Variants in SLC35D4 observed in about 807,000 individuals in gnomAD.
The protein encoded by SLC35D4 is UDP-N-acetylglucosamine transporter SLC35D4.
chr18:23,300,082 C>T, the SLC35D4 span, among the ~76,000 whole-genome samples: 899 of 152,216 alleles, frequency 5.9e-3, 11 homozygotes, highest in African/African-American at 0.02. Flanking sequence ...GGAACGAGGC[C>T]GCTTTGTGAA....
At chr18:23,414,100 C>G in the SLC35D4 span, among the ~76,000 whole-genome samples, 1 of 146,534 alleles carries the variant, frequency 6.8e-6, no homozygotes, top group Admixed American at 6.8e-5. Flanking sequence ...ACTGAAAATA[C>G]AAAAATTAGC....
chr18:23,348,373 C>G, the SLC35D4 span, among the ~76,000 whole-genome samples: 1 of 152,156 alleles, frequency 6.6e-6, no homozygotes, highest in Non-Finnish European at 1.5e-5. Flanking sequence ...TTCAAGTCTT[C>G]TATGTACTTC....
At chr18:23,383,600 T>C in the SLC35D4 span, among the ~76,000 whole-genome samples, 1 of 151,522 alleles carries the variant, frequency 6.6e-6, no homozygotes, top group Non-Finnish European at 1.5e-5. Flanking sequence ...GCCTGTGGCA[T>C]GGGAGGGGAG....
At chr18:23,320,832 C>T in the SLC35D4 span, among the ~76,000 whole-genome samples, 1 of 152,192 alleles carries the variant, frequency 6.6e-6, no homozygotes. Flanking sequence ...TTTAGCCTCT[C>T]ATCCATGCAG....
the SLC35D4 span, among the ~76,000 whole-genome samples, chr18:23,345,427 A>G: frequency 3.0e-5 from 4 of 135,356 alleles, no homozygotes; most frequent in Admixed American, 1.7e-4. Flanking sequence ...GGTTGCAGTG[A>G]GCCAAGATCG....
chr18:23,246,463 C>T, the SLC35D4 span, among the ~76,000 whole-genome samples: 47 of 152,096 alleles, frequency 3.1e-4, no homozygotes, highest in African/African-American at 1.0e-3. Context: ...AAGATCTTGG[C>T]TCACTGCAAG....
At chr18:23,266,973 G>C in the SLC35D4 span, among the ~76,000 whole-genome samples, 1 of 152,162 alleles carries the variant, frequency 6.6e-6, no homozygotes, top group South Asian at 2.1e-4. Context: ...TCCCCACCTA[G>C]CCTAGGCCCC....
At chr18:23,253,983 C>T in the SLC35D4 span, 15 of 1,524,118 alleles carry the variant, frequency 9.8e-6, no homozygotes, top group Middle Eastern at 3.4e-4. Context: ...TGCTCCGGTC[C>T]GGGGTTCCTC....
At chr18:23,429,573 G>A in the SLC35D4 span, among the ~76,000 whole-genome samples, 142,975 of 152,214 alleles carry the variant, frequency 0.94, 67,208 homozygotes, top group African/African-American at 0.95. Flanking sequence ...ATGGGGTTTC[G>A]CCATGCTGGT....
At chr18:23,309,956 T>A in the SLC35D4 span, among the ~76,000 whole-genome samples, 1 of 152,206 alleles carries the variant, frequency 6.6e-6, no homozygotes, top group African/African-American at 2.4e-5. Flanking sequence ...TAGAAAAGGC[T>A]AAGTCTTAGT....
the SLC35D4 span, among the ~76,000 whole-genome samples, chr18:23,255,193 A>C: frequency 2.6e-5 from 4 of 152,210 alleles, no homozygotes; most frequent in Admixed American, 2.6e-4. Flanking sequence ...GCATTTGAAG[A>C]GCAAAAGGGG....
the SLC35D4 span, among the ~76,000 whole-genome samples, chr18:23,353,239 C>T: frequency 2.0e-5 from 3 of 152,100 alleles, no homozygotes; most frequent in Admixed American, 2.0e-4. Context: ...GCAGTTGTAA[C>T]TCCAAGCTAG....
chr18:23,273,617 T>C, the SLC35D4 span, among the ~76,000 whole-genome samples: 5 of 152,050 alleles, frequency 3.3e-5, no homozygotes, highest in African/African-American at 1.2e-4. Context: ...CCTGAATGAA[T>C]GAATGAATGA....
chr18:23,426,573 G>A, the SLC35D4 span, among the ~76,000 whole-genome samples: 227 of 152,230 alleles, frequency 1.5e-3, no homozygotes, highest in African/African-American at 5.2e-3. Flanking sequence ...AATCAATGTC[G>A]TGAAAATGGC....
the SLC35D4 span, among the ~76,000 whole-genome samples, chr18:23,401,335 T>G: frequency 2.6e-5 from 4 of 152,174 alleles, no homozygotes; most frequent in Non-Finnish European, 4.4e-5. Context: ...TGGGAGACAC[T>G]GACATACAAA....
At chr18:23,286,756 A>G in the SLC35D4 span, among the ~76,000 whole-genome samples, 1 of 152,058 alleles carries the variant, frequency 6.6e-6, no homozygotes, top group Admixed American at 6.6e-5. Context: ...GTGCCAACTT[A>G]GACAATACTC....
At chr18:23,253,580 C>T in the SLC35D4 span, 4 of 659,464 alleles carry the variant, frequency 6.1e-6, no homozygotes, top group Non-Finnish European at 1.1e-5. Flanking sequence ...ATGCATAACG[C>T]AGCCTTCACA....
At chr18:23,266,406 C>CA in the SLC35D4 span, among the ~76,000 whole-genome samples, 5,900 of 103,312 alleles carry the variant, frequency 0.057, 386 homozygotes, top group African/African-American at 0.16. Context: ...TAATTCTTAG[C>CA]AAAAAAAAAA....
the SLC35D4 span, among the ~76,000 whole-genome samples, chr18:23,359,833 A>G: frequency 6.6e-6 from 1 of 152,096 alleles, no homozygotes; most frequent in African/African-American, 2.4e-5. Flanking sequence ...GCCCCATACA[A>G]ATAGGAAGTA....
Sources: gnomAD v4.1 joint callset for allele counts (sites outside exome capture counted in the v4.1 genomes callset) on GRCh38, gnomAD v4.1.1 for gene constraint, MANE v1.5 for transcripts, NCBI Gene and HGNC (gene_info 2026-07-23, HGNC 2026-07-21) for gene names.